Variants in BAIAP3 observed in about 807,000 individuals in gnomAD.
BAIAP3 encodes BAI1-associated protein 3.
Under a neutral mutation model 149.7 loss-of-function variants are expected in BAIAP3, and 180 were observed. The ratio of observed to expected loss-of-function variants is 1.20; its 90% CI spans 1.07 to 1.36. The LOEUF is 1.36. Ranked by LOEUF, BAIAP3 falls within the 40% of genes most tolerant of loss-of-function variation. The pLI is 0.00. For synonymous variants in BAIAP3, 845 were observed against 670.7 expected, an observed-to-expected ratio of 1.26 and a Z score of -4.02; for missense variants, 1,767 against 1,563.4, an observed-to-expected ratio of 1.13 and a Z score of -2.20.
Position 1,333,715 on chromosome 16 carries a change from C to T in BAIAP3, c.-45C>T, listed in dbSNP as rs111684211. On this transcript the variant is annotated 5_prime_UTR_variant, in exon 1 of 34. Transcript: ENST00000426824. ...CCCCGAGCTGGTGCCGAGCGCAGCG[C>T]CCCAGGAGCCCCCCCATCCCCGCGC... 0.51 allele frequency: 76,928 copies of T among 151,354 alleles called. 21,184 individuals carry two copies. Among genetic ancestry groups the T allele is most frequent in the East Asian group, 0.78 (3,982 of 5,074 alleles). 9.4% of individuals were successfully genotyped at this position (151,354 alleles called of 1,614,324 possible). A position where few individuals can be genotyped will look rare whatever the true frequency, so the allele number is the denominator to read the frequency against.
chr16:1,349,121 G>GTCCT lies in BAIAP3; in HGVS notation c.*642_*645dup. 2.4e-6 allele frequency: 1 copy of GTCCT among 413,734 alleles called. No individual in the cohort carries two copies. Among genetic ancestry groups the GTCCT allele is most frequent in the Non-Finnish European group, 4.5e-6 (1 of 223,568 alleles). The allele number at this position is 413,734 out of a possible 1,614,324, so 25.6% of individuals were successfully genotyped here. A position where few individuals can be genotyped will look rare whatever the true frequency, so the allele number is the denominator to read the frequency against. ...AGGGCTCCGTGCCAACTGGTCAGCT[G>GTCCT]TCCTTCACGCACATATCCGTGGCCA... On this transcript the variant is annotated 3_prime_UTR_variant, in exon 34 of 34. Transcript: ENST00000426824.
At chr16:1,339,718 A>G (rs2033725876) in intron 5 of BAIAP3, 115 bp downstream of exon 5, 1 of 851,218 alleles carries the variant, frequency 1.2e-6, no homozygotes, top group Non-Finnish European at 1.9e-6. Context: ...CGATCCGTGC[A>G]CAGCACACAG....
chr16:1,345,811 G>A lies in BAIAP3; in HGVS notation c.2129G>A (p.Ser710Asn), dbSNP rs2034315170. The change falls in exon 23 of 34, where the codon AGC becomes AAC. Residue 710 changes from serine (S) to asparagine (N), a missense_variant. Physicochemically the swap from Ser to Asn is conservative, Grantham distance 46. Coordinates refer to ENST00000426824, the MANE Select transcript of BAIAP3 (RefSeq NM_001199097.2). ...GCAGCCACTGCTGGTCTCTGCCTCA[G>A]CCACATCCAGGAGTTGTGGGTGCGC... ...SSAATAGLCL[S>N]HIQELWVRLA... 1.3e-6 allele frequency: 2 copies of A among 1,579,986 alleles called. No individual in the cohort carries two copies. Among genetic ancestry groups the A allele is most frequent in the Middle Eastern group, 1.7e-4 (1 of 5,968 alleles).
Position 1,336,157 on chromosome 16 carries a change from C to T in BAIAP3, c.-10-2383C>T, listed in dbSNP as rs114234083. 1,518 of 957,066 alleles carry T rather than the reference C, an allele frequency of 1.6e-3. 13 individuals are homozygous for T. The African/African-American group carries it at 0.023, about 15-fold the overall frequency. 59.3% of individuals were successfully genotyped at this position (957,066 alleles called of 1,614,324 possible). On this transcript the variant is annotated intron_variant, in intron 1 of 33. Coordinates refer to ENST00000426824, the MANE Select transcript of BAIAP3 (RefSeq NM_001199097.2). ...TCGCCCCTGTCACACGCACATGCCG[C>T]GGCGGTTGCCCTGGCAACAGCTCCA...
At position 1,345,358 on chromosome 16, in the gene BAIAP3, G is replaced by GTGGATA. The variant is rs1567169392; in HGVS notation, c.2054_2055insTATGGA (p.Met686_Asp687dup). On this transcript the variant is annotated inframe_insertion, in exon 22 of 34. Transcript: ENST00000426824. ...GGCCAAGTGGAGGCTTCAGGGAGCC[G>GTGGATA]TGGACATGGACACGGTGACAGCTGC... 6.2e-7 allele frequency: 1 copy of GTGGATA among 1,612,410 alleles called. No individual in the cohort carries two copies. The highest frequency in any genetic ancestry group is 1.7e-5 in the Admixed American group (1 of 59,966).
chr16:1,344,514 C>T lies in BAIAP3; in HGVS notation c.1648C>T (p.Pro550Ser), dbSNP rs748620008. The change falls in exon 18 of 34, where the codon CCC becomes TCC. Residue 550 changes from proline (P) to serine (S), a missense_variant. By Grantham distance (74) the Pro-to-Ser change is moderately conservative. Coordinates refer to ENST00000426824, the MANE Select transcript of BAIAP3 (RefSeq NM_001199097.2). ...WYDRILNDKS[P>S]REQPGPQRLP... ...CGACAGGATCCTGAATGACAAGAGT[C>T]CCCGAGAGCAGGTGCAGTTGTGGGG... 13 of 1,612,858 alleles carry T rather than the reference C, an allele frequency of 8.1e-6. No individual in the cohort carries two copies. In the Admixed American group the frequency reaches 1.5e-4, roughly 19 times the overall value.
chr16:1,347,680 C>T lies in BAIAP3; in HGVS notation c.2905-21C>T, dbSNP rs373805453. On this transcript the variant is annotated intron_variant, in intron 30 of 33. Transcript: ENST00000426824. ...CTCCGAGGCTCCCAGAGCCCAGCTG[C>T]GCTCACCCGCCTTTCCGCAGAGGAC... is the stretch of plus-strand genomic sequence containing the variant. The T allele has an allele frequency of 5.0e-4, 810 of 1,611,762 alleles. 1 individual carries two copies. Among genetic ancestry groups the T allele is most frequent in the Non-Finnish European group, 6.2e-4 (733 of 1,179,280 alleles).
At chr16:1,337,341 C>A (rs541900064) in intron 1 of BAIAP3, among the ~76,000 whole-genome samples, 15 of 152,300 alleles carry the variant, frequency 9.8e-5, no homozygotes, top group Admixed American at 5.2e-4. Flanking sequence ...CATAGCGAAA[C>A]CCCGTCTCCA....
Position 1,348,692 on chromosome 16 carries a change from G to C in BAIAP3, c.*210G>C. 1.6e-6 allele frequency: 1 copy of C among 609,240 alleles called. No individual in the cohort carries two copies. The highest frequency in any genetic ancestry group is 2.8e-5 in the East Asian group (1 of 35,928). The allele number at this position is 609,240 out of a possible 1,614,324, so 37.7% of individuals were successfully genotyped here. On this transcript the variant is annotated 3_prime_UTR_variant, in exon 34 of 34. Transcript: ENST00000426824. Reference sequence around the variant, plus strand: ...ACCCCTGCACCCAACCCCACATCTGGGTGGCCAACTTGGCAGGACTTGGCC... The same window carrying C: ...ACCCCTGCACCCAACCCCACATCTGCGTGGCCAACTTGGCAGGACTTGGCC...
At chr16:1,334,991 G>A (rs2033366834) in intron 1 of BAIAP3, among the ~76,000 whole-genome samples, 1 of 152,178 alleles carries the variant, frequency 6.6e-6, no homozygotes, top group South Asian at 2.1e-4. Context: ...CGTTGAAGGC[G>A]TTTGTTCCTA....
intron 28 of BAIAP3, 152 bp downstream of exon 28, chr16:1,347,107 G>T: frequency 1.1e-6 from 1 of 883,446 alleles, no homozygotes. Flanking sequence ...TAATGCCGAG[G>T]TGTGGCCTCT....
rs754285285 is a variant in BAIAP3 at position 1,334,914 on chromosome 16, G to T, written c.-11+1165G>T. On this transcript the variant is annotated intron_variant, in intron 1 of 33. Transcript: ENST00000426824. ...AGATGTCCTGCCACCTCCCGCCCCA[G>T]GCACACACCCAGGGCACCATCAGCT... 2.0e-3 allele frequency among the ~76,000 whole-genome samples: 304 copies of T among 152,296 alleles called. 2 individuals carry two copies. The highest frequency in any genetic ancestry group is 3.6e-3 in the Non-Finnish European group (242 of 68,008).
At position 1,344,489 on chromosome 16, in the gene BAIAP3, C is replaced by A; in HGVS notation, c.1623C>A (p.Tyr541Ter). Residue 541 changes from tyrosine (Y) to a stop codon, truncating the protein, a stop_gained, in exon 18 of 34, where the codon TAC becomes TAA. Transcript: ENST00000426824. LOFTEE classifies it high-confidence loss of function. Reference sequence around the variant, plus strand: ...TGCAGAGAGGCAACCGTGAGTGGTACGACAGGATCCTGAATGACAAGAGTC... The same window carrying A: ...TGCAGAGAGGCAACCGTGAGTGGTAAGACAGGATCCTGAATGACAAGAGTC... ...AALKRGNREW[Y>*]DRILNDKSPR... 1 of 1,613,310 alleles carries A rather than the reference C, an allele frequency of 6.2e-7. No homozygotes were observed. The highest frequency in any genetic ancestry group is 8.5e-7 in the Non-Finnish European group (1 of 1,179,948).
Position 1,348,975 on chromosome 16 carries a change from G to A in BAIAP3, c.*493G>A, listed in dbSNP as rs898727832. On this transcript the variant is annotated 3_prime_UTR_variant, in exon 34 of 34. Transcript: ENST00000426824. The stretch of plus-strand genomic sequence containing the variant: ...CCTCCACCCACAGAGGGGATGCAAA[G>A]GGCAGGTGAGTCAAGAACCGCATAG... The A allele has an allele frequency of 1.5e-5, 4 of 262,294 alleles. No individual in the cohort carries two copies. The highest frequency in any genetic ancestry group is 4.6e-5 in the South Asian group (1 of 21,786). The allele number at this position is 262,294 out of a possible 1,614,324, so 16.2% of individuals were successfully genotyped here. A position where few individuals can be genotyped will look rare whatever the true frequency, so the allele number is the denominator to read the frequency against.
intron 1 of BAIAP3, chr16:1,334,589 C>T (rs1296742624): frequency 1.4e-6 from 2 of 1,423,778 alleles, no homozygotes; most frequent in South Asian, 1.2e-5. Context: ...CCTTGGCAGC[C>T]GTCTGAGGCT....
At chr16:1,347,254 C>G in intron 28 of BAIAP3, 44 bp from the exon 29 acceptor site, 1 of 1,594,582 alleles carries the variant, frequency 6.3e-7, no homozygotes, top group South Asian at 1.1e-5. Flanking sequence ...GTCCCCAGCA[C>G]AAGCCAGGCT....
intron 5 of BAIAP3, among the ~76,000 whole-genome samples, chr16:1,340,058 CAG>C (rs1182013859): frequency 6.8e-6 from 1 of 147,646 alleles, no homozygotes; most frequent in Non-Finnish European, 1.5e-5. Flanking sequence ...TAGGTGCACA[CAG>C]ACACGCACAC....
rs1398708314 is a variant in BAIAP3 at position 1,336,362 on chromosome 16, G to A, written c.-10-2178G>A. 7 of 985,302 alleles carry A rather than the reference G, an allele frequency of 7.1e-6. No individual in the cohort carries two copies. In the East Asian group the frequency reaches 3.4e-4, roughly 48 times the overall value. 61.0% of individuals were successfully genotyped at this position (985,302 alleles called of 1,614,324 possible). A position where few individuals can be genotyped will look rare whatever the true frequency, so the allele number is the denominator to read the frequency against. Reference sequence around the variant, plus strand: ...CCAAGCCCCCCCATCTTTTGGGGGGGAGGCTCACAGGGGAAGGCACTGATA... The same window carrying A: ...CCAAGCCCCCCCATCTTTTGGGGGGAAGGCTCACAGGGGAAGGCACTGATA... On this transcript the variant is annotated intron_variant, in intron 1 of 33. Transcript: ENST00000426824.
At position 1,339,483 on chromosome 16, in the gene BAIAP3, C is replaced by T. The variant is rs776594670; in HGVS notation, c.301-13C>T. ...GGGACGCGGCACTGTGGCCGCCCTT[C>T]CCCCACCTGCAGGTGGAGATGCTCT... On this transcript the variant is annotated splice_polypyrimidine_tract_variant and intron_variant, in intron 4 of 33. Coordinates refer to ENST00000426824, the MANE Select transcript of BAIAP3 (RefSeq NM_001199097.2). 6.3e-6 allele frequency: 10 copies of T among 1,599,328 alleles called. No homozygotes were observed. The highest frequency in any genetic ancestry group is 1.3e-5 in the African/African-American group (1 of 74,790).
Sources: allele counts gnomAD v4.1 joint callset (sites outside exome capture counted in the v4.1 genomes callset), GRCh38; gene constraint gnomAD v4.1.1; transcripts MANE v1.5; gene names NCBI Gene and HGNC (gene_info 2026-07-23, HGNC 2026-07-21).